The following NCKAP5 variants were observed in gnomAD, a reference collection of about 807,000 sequenced individuals.
The protein encoded by NCKAP5 is NCK associated protein 5, also known as nck-associated protein 5.
In NCKAP5, 92 loss-of-function variants were observed where a neutral mutation model predicts 167.0. The observed-to-expected ratio is 0.55, with a 90% confidence interval of 0.47 to 0.66. NCKAP5 has a LOEUF of 0.66. Among genes scored for constraint, NCKAP5 ranks in the 30% least tolerant of loss-of-function variants. NCKAP5 has a pLI of 0.00. For synonymous variants in NCKAP5, 891 were observed against 877.4 expected (o/e 1.02, Z -0.27); for missense variants, 2,378 against 2,315.0 (o/e 1.03, Z -0.56).
rs549904685 is a variant in NCKAP5 at position 133,109,132 on chromosome 2, T to G, written c.341+20846A>C. The stretch of plus-strand genomic sequence containing the variant: ...TATAAAAACTTCCCAGCCTGTACGA[T>G]GAGGCCTCAAATTATACAACAATAT... On this transcript the variant is annotated intron_variant, in intron 6 of 19. Transcript: ENST00000409261. Among the ~76,000 whole-genome samples, 6 of 152,326 alleles carry G rather than the reference T, an allele frequency of 3.9e-5. No homozygotes were observed. In the East Asian group the frequency reaches 1.2e-3, roughly 29 times the overall value.
chr2:133,487,944 G>A lies in NCKAP5; in HGVS notation c.69+29514C>T, dbSNP rs368536568. 5.9e-5 allele frequency among the ~76,000 whole-genome samples: 9 copies of A among 152,248 alleles called. No homozygotes were observed. In the East Asian group the frequency reaches 1.2e-3, roughly 20 times the overall value. On this transcript the variant is annotated intron_variant, in intron 3 of 19. Coordinates refer to ENST00000409261, the MANE Select transcript of NCKAP5 (RefSeq NM_207363.3). Reference sequence around the variant, plus strand: ...TCCAACAGAAGCCATTTAGCATGTAGGTAAAAAGTCAGGTACTGAGCCAGA... The same window carrying A: ...TCCAACAGAAGCCATTTAGCATGTAAGTAAAAAGTCAGGTACTGAGCCAGA...
At chr2:133,152,437 G>A (rs148811834) in intron 5 of NCKAP5, among the ~76,000 whole-genome samples, 2,135 of 152,228 alleles carry the variant, frequency 0.014, 56 homozygotes, top group African/African-American at 0.046. Flanking sequence ...TGAGATGTAC[G>A]CCGAATGCAT....
chr2:133,422,497 C>T (rs1689543529), intron 3 of NCKAP5, among the ~76,000 whole-genome samples: 1 of 152,108 alleles, frequency 6.6e-6, no homozygotes, highest in South Asian at 2.1e-4. Flanking sequence ...CAGATAAACC[C>T]AGTGAATAAA....
At chr2:132,676,097 G>A (rs776491171) in intron 19 of NCKAP5, among the ~76,000 whole-genome samples, 16 of 152,034 alleles carry the variant, frequency 1.1e-4, no homozygotes, top group South Asian at 2.1e-4. Context: ...ATGCAGAAAT[G>A]TGGGTGCAGA....
At chr2:133,580,774 A>G in the NCKAP5 span, among the ~76,000 whole-genome samples, 1 of 152,216 alleles carries the variant, frequency 6.6e-6, no homozygotes, top group Non-Finnish European at 1.5e-5. Context: ...TTTGCATGTG[A>G]AGCTTCCATC....
At chr2:132,909,001 T>TG (rs2148943872) in intron 8 of NCKAP5, among the ~76,000 whole-genome samples, 1 of 152,286 alleles carries the variant, frequency 6.6e-6, no homozygotes, top group South Asian at 2.1e-4. Flanking sequence ...AATCTTGGTG[T>TG]GATCAACTTA....
chr2:133,529,579 T>C (rs542602222), intron 2 of NCKAP5, among the ~76,000 whole-genome samples: 3 of 152,298 alleles, frequency 2.0e-5, no homozygotes, highest in East Asian at 3.9e-4. Flanking sequence ...CTATAAAGCA[T>C]AGATCTCAAA....
chr2:132,853,955 C>T (rs954172818), intron 11 of NCKAP5, among the ~76,000 whole-genome samples: 5 of 152,208 alleles, frequency 3.3e-5, no homozygotes, highest in African/African-American at 4.8e-5. Flanking sequence ...GCTCTTCCCT[C>T]CCTTGGAGCC....
At chr2:132,843,059 G>T (rs921178661) in intron 11 of NCKAP5, among the ~76,000 whole-genome samples, 1 of 152,198 alleles carries the variant, frequency 6.6e-6, no homozygotes, top group Non-Finnish European at 1.5e-5. Flanking sequence ...TTATCAGATA[G>T]TTGGCCTGTA....
intron 11 of NCKAP5, among the ~76,000 whole-genome samples, chr2:132,813,906 T>C (rs536989017): frequency 1.0e-3 from 154 of 152,274 alleles, no homozygotes; most frequent in African/African-American, 3.7e-3. Context: ...CAGCCTGCAA[T>C]ATTGACTCTC....
At chr2:133,435,762 G>A (rs374309130) in intron 3 of NCKAP5, among the ~76,000 whole-genome samples, 15 of 152,272 alleles carry the variant, frequency 9.9e-5, no homozygotes, top group African/African-American at 3.4e-4. Flanking sequence ...ATTGGACAGG[G>A]AAGGCTGGGT....
At chr2:133,262,353 T>C (rs188287350) in intron 4 of NCKAP5, among the ~76,000 whole-genome samples, 7 of 152,344 alleles carry the variant, frequency 4.6e-5, no homozygotes, top group East Asian at 3.9e-4. Context: ...GTTTTACCTA[T>C]AGCAGCAAGT....
chr2:132,843,567 C>CT, intron 11 of NCKAP5, among the ~76,000 whole-genome samples: 1 of 86,300 alleles, frequency 1.2e-5, no homozygotes, highest in East Asian at 9.3e-4. Context: ...TTCATTTTTC[C>CT]CTTTTTTGTC....
intron 11 of NCKAP5, among the ~76,000 whole-genome samples, chr2:132,839,756 T>TTA (rs1294964023): frequency 2.9e-5 from 1 of 34,564 alleles, no homozygotes; most frequent in Non-Finnish European, 4.6e-5. Context: ...AGACCTTGTC[T>TTA]CAAAAAAAAA....
At chr2:132,860,019 G>A (rs1689767134) in intron 11 of NCKAP5, among the ~76,000 whole-genome samples, 1 of 149,768 alleles carries the variant, frequency 6.7e-6, no homozygotes, top group African/African-American at 2.6e-5. Context: ...GATAGAAACA[G>A]GAGACGTTCT....
intron 16 of NCKAP5, among the ~76,000 whole-genome samples, chr2:132,757,560 A>T (rs1680655331): frequency 6.6e-6 from 1 of 152,212 alleles, no homozygotes; most frequent in Non-Finnish European, 1.5e-5. Context: ...CACACATTTC[A>T]TTAAACAACT....
chr2:133,054,793 A>T (rs539325703), intron 6 of NCKAP5, among the ~76,000 whole-genome samples: 42 of 152,308 alleles, frequency 2.8e-4, no homozygotes, highest in South Asian at 2.5e-3. Context: ...TGGCAATCAG[A>T]TGTCCAGGGG....
At position 132,901,267 on chromosome 2, in the gene NCKAP5, A is replaced by T. The variant is rs567327466; in HGVS notation, c.580-22351T>A. 4.6e-5 allele frequency among the ~76,000 whole-genome samples: 7 copies of T among 152,340 alleles called. No homozygotes were observed. In the South Asian group the frequency reaches 1.2e-3, roughly 27 times the overall value. ...GACAGGTTGAGTCAGCTCCAGGCTC[A>T]GAACTCACATCTGCTGAGTTCCACT... On this transcript the variant is annotated intron_variant, in intron 8 of 19. Coordinates refer to ENST00000409261, the MANE Select transcript of NCKAP5 (RefSeq NM_207363.3).
intron 6 of NCKAP5, among the ~76,000 whole-genome samples, chr2:133,102,960 G>A (rs2081566788): frequency 6.6e-6 from 1 of 152,034 alleles, no homozygotes; most frequent in African/African-American, 2.4e-5. Context: ...CTCCCCATCT[G>A]AAAAATGATG....
Sources: gnomAD v4.1 joint callset for allele counts (sites outside exome capture counted in the v4.1 genomes callset) on GRCh38, gnomAD v4.1.1 for gene constraint, MANE v1.5 for transcripts, NCBI Gene and HGNC (gene_info 2026-07-23, HGNC 2026-07-21) for gene names.